SDK1: variants seen among roughly 807,000 people sequenced by gnomAD.
The protein encoded by SDK1 is protein sidekick-1.
A neutral mutation model predicts 245.5 loss-of-function variants in SDK1; 157 were observed. That is an observed-to-expected ratio of 0.64 (90% CI 0.56 to 0.73). SDK1 has a LOEUF of 0.73. SDK1 is among the 30% of genes least tolerant of loss of function. SDK1 has a pLI of 0.00. For missense variants in SDK1, 3,583 were observed against 3,002.3 expected, an observed-to-expected ratio of 1.19 and a Z score of -4.52; for synonymous variants, 1,647 against 1,278.5, an observed-to-expected ratio of 1.29 and a Z score of -6.15.
rs1203583581 is a variant in SDK1 at position 3,301,642 on chromosome 7, C to A, written c.56C>A (p.Pro19His). 1.0e-6 allele frequency: 1 copy of A among 977,158 alleles called. No individual in the cohort carries two copies. Among genetic ancestry groups the A allele is most frequent in the Non-Finnish European group, 1.2e-6 (1 of 826,500 alleles). The allele number at this position is 977,158 out of a possible 1,614,324, so 60.5% of individuals were successfully genotyped here. A position where few individuals can be genotyped will look rare whatever the true frequency, so the allele number is the denominator to read the frequency against. Residue 19 changes from proline (P) to histidine (H), a missense_variant, in exon 1 of 45, where the codon CCC (proline) becomes CAC (histidine). Pro to His is a moderately conservative substitution (Grantham distance 77). Transcript: ENST00000404826. ...AAGGGGGGAE[P>H]PERAGPGRPR... Reference sequence around the variant, plus strand: ...GGTGGCGGCGGCGGCGGCGCGGAGCCCCCTGAGCGCGCGGGCCCCGGGCGG... The same window carrying A: ...GGTGGCGGCGGCGGCGGCGCGGAGCACCCTGAGCGCGCGGGCCCCGGGCGG...
chr7:3,344,988 C>G lies in SDK1; in HGVS notation c.298+43104C>G, dbSNP rs139908692. On this transcript the variant is annotated intron_variant, in intron 1 of 44. Coordinates refer to ENST00000404826, the MANE Select transcript of SDK1 (RefSeq NM_152744.4). ...CTTTGGGGACAACTTATGTAAAAAT[C>G]TGAATAGTACCCATCTGATTATGAC... Among the ~76,000 whole-genome samples the G allele has an allele frequency of 1.0e-3, 154 of 152,300 alleles. 2 individuals are homozygous for G. The East Asian group carries it at 0.024, about 24-fold the overall frequency.
intron 22 of SDK1, among the ~76,000 whole-genome samples, chr7:4,094,523 C>G (rs1211358740): frequency 1.3e-5 from 2 of 152,176 alleles, no homozygotes; most frequent in South Asian, 2.1e-4. Flanking sequence ...GAGGAAAGTA[C>G]AAGGAGAACC....
chr7:4,127,472 G>A lies in SDK1; in HGVS notation c.3915G>A (p.Gln1305=). 1.2e-6 allele frequency: 2 copies of A among 1,614,060 alleles called. No individual in the cohort carries two copies. The highest frequency in any genetic ancestry group is 1.7e-6 in the Non-Finnish European group (2 of 1,179,882). The change falls in exon 26 of 45, where the codon CAG becomes CAA. Residue 1305 remains glutamine, a synonymous_variant. Coordinates refer to ENST00000404826, the MANE Select transcript of SDK1 (RefSeq NM_152744.4). ...GGACATCCGTGCCGGAACAGGACCAGAATGGGCTCATACTGGGCTACAAGG... is the reference window on the plus strand; with the variant it reads ...GGACATCCGTGCCGGAACAGGACCAAAATGGGCTCATACTGGGCTACAAGG... ...LTWTSVPEQD[Q]NGLILGYKIL...
chr7:4,228,632 C>T (rs979201782), intron 40 of SDK1, among the ~76,000 whole-genome samples: 2 of 152,166 alleles, frequency 1.3e-5, no homozygotes, highest in Non-Finnish European at 2.9e-5. Flanking sequence ...CTTCACCTCC[C>T]GGGATCAAGC....
chr7:4,180,466 A>G (rs563419262), intron 35 of SDK1, among the ~76,000 whole-genome samples: 16 of 148,180 alleles, frequency 1.1e-4, no homozygotes, highest in African/African-American at 3.5e-4. Flanking sequence ...CTCCAGCTCT[A>G]TGCCCTGTGC....
intron 1 of SDK1, among the ~76,000 whole-genome samples, chr7:3,584,830 TCTG>T (rs1780631691): frequency 6.6e-6 from 1 of 152,004 alleles, no homozygotes; most frequent in Non-Finnish European, 1.5e-5. Flanking sequence ...TTCACGCCGT[TCTG>T]CTGCCTCAGC....
chr7:3,516,911 G>A (rs746334105), intron 1 of SDK1, among the ~76,000 whole-genome samples: 1 of 152,132 alleles, frequency 6.6e-6, no homozygotes, highest in Non-Finnish European at 1.5e-5. Context: ...GGTATTAAGT[G>A]CCATGTTGGG....
At chr7:3,485,092 A>G (rs1292019616) in intron 1 of SDK1, among the ~76,000 whole-genome samples, 1 of 152,148 alleles carries the variant, frequency 6.6e-6, no homozygotes, top group Non-Finnish European at 1.5e-5. Flanking sequence ...GTTTTCCATA[A>G]TAGTTCTGCC....
At position 4,110,645 on chromosome 7, in the gene SDK1, G is replaced by T. The variant is rs763591606; in HGVS notation, c.3325-18G>T. The T allele has an allele frequency of 2.6e-6, 4 of 1,562,544 alleles. No homozygotes were observed. Among genetic ancestry groups the T allele is most frequent in the African/African-American group, 1.4e-5 (1 of 73,756 alleles). On this transcript the variant is annotated intron_variant, in intron 22 of 44. Transcript: ENST00000404826. ...CCTAAGGCATGTCCAGCCCATCTCAGTGTCTCCCTCTGCACAGGTGGGAGC... is the reference window on the plus strand; with the variant it reads ...CCTAAGGCATGTCCAGCCCATCTCATTGTCTCCCTCTGCACAGGTGGGAGC...
At chr7:3,737,391 C>T (rs763061920) in intron 4 of SDK1, among the ~76,000 whole-genome samples, 2 of 152,212 alleles carry the variant, frequency 1.3e-5, no homozygotes, top group South Asian at 2.1e-4. Context: ...CCACTGTGTT[C>T]CATAGCTGGT....
At chr7:3,979,388 T>C (rs923896381) in intron 13 of SDK1, among the ~76,000 whole-genome samples, 1 of 152,214 alleles carries the variant, frequency 6.6e-6, no homozygotes, top group Admixed American at 6.5e-5. Flanking sequence ...TCTAGCCCTT[T>C]ACCCTGCATT....
chr7:3,507,547 C>T (rs1321345024), intron 1 of SDK1, among the ~76,000 whole-genome samples: 4 of 152,142 alleles, frequency 2.6e-5, no homozygotes, highest in Non-Finnish European at 5.9e-5. Context: ...CTAGTTACTC[C>T]ACAGTGGCTG....
intron 4 of SDK1, among the ~76,000 whole-genome samples, chr7:3,795,829 A>G (rs1778948375): frequency 6.6e-6 from 1 of 152,248 alleles, no homozygotes; most frequent in South Asian, 2.1e-4. Context: ...CGAGTCAAGT[A>G]GTAAAAATCT....
At chr7:3,992,148 C>T (rs1051887235) in intron 14 of SDK1, among the ~76,000 whole-genome samples, 1 of 152,210 alleles carries the variant, frequency 6.6e-6, no homozygotes, top group Non-Finnish European at 1.5e-5. Context: ...GCCAAACCCA[C>T]ATGGTTTAGT....
chr7:3,653,078 G>T (rs1221981005), intron 4 of SDK1, among the ~76,000 whole-genome samples: 2 of 152,182 alleles, frequency 1.3e-5, no homozygotes, highest in Non-Finnish European at 2.9e-5. Flanking sequence ...ATCTGGTGAC[G>T]CAGATGAGAA....
At chr7:3,571,608 A>G (rs190263865) in intron 1 of SDK1, among the ~76,000 whole-genome samples, 1 of 152,054 alleles carries the variant, frequency 6.6e-6, no homozygotes, top group African/African-American at 2.4e-5. Flanking sequence ...CTGGCCTGAA[A>G]GCAGCCTTTT....
chr7:3,440,343 G>T (rs1240065589), intron 1 of SDK1, among the ~76,000 whole-genome samples: 1 of 152,142 alleles, frequency 6.6e-6, no homozygotes, highest in Admixed American at 6.5e-5. Context: ...TGATTGGTTG[G>T]TGCAGGCTAT....
At chr7:3,573,478 A>G (rs1347443962) in intron 1 of SDK1, among the ~76,000 whole-genome samples, 1 of 151,846 alleles carries the variant, frequency 6.6e-6, no homozygotes, top group Non-Finnish European at 1.5e-5. Flanking sequence ...GGGAGCCCCC[A>G]TCACAGGCTG....
intron 5 of SDK1, among the ~76,000 whole-genome samples, chr7:3,829,156 C>A (rs6953604): frequency 0.3 from 46,158 of 151,988 alleles, 8,877 homozygotes; most frequent in African/African-American, 0.54. Flanking sequence ...AAACATTAAA[C>A]TATACCAGAA....
Sources: allele counts gnomAD v4.1 joint callset (sites outside exome capture counted in the v4.1 genomes callset), GRCh38; gene constraint gnomAD v4.1.1; transcripts MANE v1.5; gene names NCBI Gene and HGNC (gene_info 2026-07-23, HGNC 2026-07-21).